The following FAM83E variants were observed in gnomAD, a reference collection of about 807,000 sequenced individuals.
FAM83E encodes the protein protein FAM83E.
FAM83E carries 29 observed loss-of-function variants against 34.3 expected under a neutral mutation model. The observed-to-expected ratio is 0.85, with a 90% CI of 0.63 to 1.15. The LOEUF (loss-of-function observed/expected upper bound fraction) is 1.15, where lower values mean the gene tolerates loss of function less well. Ranked by LOEUF, FAM83E falls within the 50% of genes most tolerant of loss-of-function variation. The pLI is 0.00. For synonymous variants in FAM83E, 312 were observed against 311.6 expected, an observed-to-expected ratio of 1.00 and a Z score of -0.01; for missense variants, 697 against 685.0, an observed-to-expected ratio of 1.02 and a Z score of -0.20.
At chr19:48,606,909 A>T in intron 5 of FAM83E, 1 of 1,547,116 alleles carries the variant, frequency 6.5e-7, no homozygotes, top group Non-Finnish European at 8.7e-7. Flanking sequence ...GAGGTCCTTC[A>T]TTCAGCGGTT....
chr19:48,604,450 C>A (rs1013261766), intron 5 of FAM83E, among the ~76,000 whole-genome samples: 2 of 151,036 alleles, frequency 1.3e-5, no homozygotes, highest in African/African-American at 4.9e-5. Flanking sequence ...CCTGCCTCAG[C>A]CTCCTGAGTA....
rs770550733 is a variant in FAM83E, at chr19:48,601,246, G to A, written c.1300C>T (p.Pro434Ser). ...AGATAGCGGAGGCGGTGGGCGGGGG[G>A]CAGGGGCAGGGCACCGCCCCACGGA... The part of the protein sequence containing the change: ...RPPWGGALPL[P>S]PAHRLRYLSP... Residue 434 changes from proline to serine, a missense_variant, in exon 7 of 7, where the codon CCC becomes TCC. Transcript: ENST00000263266. 22 of 1,603,902 alleles carry A rather than the reference G, an allele frequency of 1.4e-5. No individual in the cohort carries two copies. The highest frequency in any genetic ancestry group is 2.2e-5 in the East Asian group (1 of 44,488).
At chr19:48,607,372 C>T (rs1298561447) in intron 5 of FAM83E, 1 of 1,560,276 alleles carries the variant, frequency 6.4e-7, no homozygotes, top group Non-Finnish European at 8.7e-7. Flanking sequence ...GAGGACAGGG[C>T]CTGGGACTGT....
intron 5 of FAM83E, chr19:48,607,342 C>A: frequency 6.3e-7 from 1 of 1,589,094 alleles, no homozygotes; most frequent in Non-Finnish European, 8.6e-7. Context: ...GCTTCCTCCA[C>A]GTTTGCTGTG....
Position 48,613,725 on chromosome 19 carries a change from C to T in FAM83E, c.-353G>A. On this transcript the variant is annotated 5_prime_UTR_variant, in exon 3 of 7. Transcript: ENST00000263266. ...CTGACACCATCCCCAACTGTGTGAC[C>T]CATCAGCTGGCCATCTCTGCTCAGC... 1 of 985,400 alleles carries T rather than the reference C, an allele frequency of 1.0e-6. No individual in the cohort carries two copies. The highest frequency in any genetic ancestry group is 1.2e-6 in the Non-Finnish European group (1 of 829,926). 61.0% of individuals were successfully genotyped at this position (985,400 alleles called of 1,614,324 possible).
chr19:48,607,359 A>G, intron 5 of FAM83E: 1 of 1,576,320 alleles, frequency 6.3e-7, no homozygotes. Flanking sequence ...TGTGACCAAC[A>G]GGGAGGACAG....
At chr19:48,606,904 CCTTCAT>C (rs2147643319) in intron 5 of FAM83E, 1 of 1,534,278 alleles carries the variant, frequency 6.5e-7, no homozygotes, top group African/African-American at 1.4e-5. Context: ...CCTCAGAGGT[CCTTCAT>C]TCAGCGGTTC....
At chr19:48,606,955 C>A in intron 5 of FAM83E, 1 of 1,596,818 alleles carries the variant, frequency 6.3e-7, no homozygotes, top group Non-Finnish European at 8.5e-7. Flanking sequence ...CTGGCTGGGG[C>A]AGGGTCAACG....
chr19:48,613,827 A>T lies in FAM83E; in HGVS notation c.-455T>A. 1 of 985,386 alleles carries T rather than the reference A, an allele frequency of 1.0e-6. No homozygotes were observed. The highest frequency in any genetic ancestry group is 1.2e-6 in the Non-Finnish European group (1 of 829,914). 61.0% of individuals were successfully genotyped at this position (985,386 alleles called of 1,614,324 possible). The stretch of plus-strand genomic sequence containing the variant: ...AGCTGTCCTGAATTTGGTCAGGCTG[A>T]CCACTTGATCATTTCCAGGCGGCAA... On this transcript the variant is annotated 5_prime_UTR_variant, in exon 3 of 7. Coordinates refer to ENST00000263266, the MANE Select transcript of FAM83E (RefSeq NM_017708.4).
chr19:48,605,347 AG>A (rs1248538323), intron 5 of FAM83E, among the ~76,000 whole-genome samples: 11 of 152,058 alleles, frequency 7.2e-5, no homozygotes, highest in Non-Finnish European at 1.6e-4. Context: ...CCGAGGCAGG[AG>A]GATCACTTGA....
intron 6 of FAM83E, 81 bp downstream of exon 6, chr19:48,603,413 T>G: frequency 2.2e-6 from 3 of 1,343,142 alleles, no homozygotes; most frequent in Non-Finnish European, 2.9e-6. Flanking sequence ...GCAGGGCCCC[T>G]GGAGCCTGGC....
chr19:48,600,296 G>C lies in FAM83E; in HGVS notation c.*813C>G, dbSNP rs1183947971. On this transcript the variant is annotated 3_prime_UTR_variant, in exon 7 of 7. Transcript: ENST00000263266. ...GGGACGCTGCCAGCCCATCTTCTGGGTTGTGACACTGAGGTCTGGTGCAGG... is the reference window on the plus strand; with the variant it reads ...GGGACGCTGCCAGCCCATCTTCTGGCTTGTGACACTGAGGTCTGGTGCAGG... 6.6e-6 allele frequency among the ~76,000 whole-genome samples: 1 copy of C among 152,228 alleles called. No individual in the cohort carries two copies. Among genetic ancestry groups the C allele is most frequent in the Admixed American group, 6.5e-5 (1 of 15,286 alleles).
In FAM83E at chr19:48,600,133, C is replaced by T. The variant is rs1311214680; in HGVS notation, c.*976G>A. On this transcript the variant is annotated 3_prime_UTR_variant, in exon 7 of 7. Coordinates refer to ENST00000263266, the MANE Select transcript of FAM83E (RefSeq NM_017708.4). ...CCTCAGTTTCCCCACAGCTCCTGAA[C>T]ACAGTGTGCCTGGCAGCGACTCCCC... Among the ~76,000 whole-genome samples, 6 of 152,222 alleles carry T rather than the reference C, an allele frequency of 3.9e-5. No homozygotes were observed. The highest frequency in any genetic ancestry group is 6.5e-5 in the Admixed American group (1 of 15,278).
At chr19:48,612,448 A>G (rs1974058397) in intron 3 of FAM83E, among the ~76,000 whole-genome samples, 1 of 148,224 alleles carries the variant, frequency 6.7e-6, no homozygotes, top group South Asian at 2.1e-4. Flanking sequence ...TCTGTCGCCC[A>G]GGCTGAAGTG....
At chr19:48,612,145 G>A (rs576229972) in intron 3 of FAM83E, among the ~76,000 whole-genome samples, 63 of 152,294 alleles carry the variant, frequency 4.1e-4, no homozygotes, top group African/African-American at 1.4e-3. Flanking sequence ...ACAGGGTTCC[G>A]GGACGATGAT....
rs145560468 is a variant in FAM83E at position 48,613,613 on chromosome 19, C to T, written c.-241G>A. On this transcript the variant is annotated 5_prime_UTR_variant, in exon 3 of 7. Coordinates refer to ENST00000263266, the MANE Select transcript of FAM83E (RefSeq NM_017708.4). ...TCCAATGTGTCAGGCCACTCAGATCCGCCACCTGCCTGCACCCAGTGGCAC... is the reference window on the plus strand; with the variant it reads ...TCCAATGTGTCAGGCCACTCAGATCTGCCACCTGCCTGCACCCAGTGGCAC... 118 of 1,367,936 alleles carry T rather than the reference C, an allele frequency of 8.6e-5. No homozygotes were observed. In the African/African-American group the frequency reaches 1.4e-3, roughly 16 times the overall value. 84.7% of individuals were successfully genotyped at this position (1,367,936 alleles called of 1,614,324 possible). A position where few individuals can be genotyped will look rare whatever the true frequency, so the allele number is the denominator to read the frequency against.
chr19:48,602,938 G>A lies in FAM83E; in HGVS notation c.1176+556C>T, dbSNP rs980158728. On this transcript the variant is annotated intron_variant, in intron 6 of 6. Transcript: ENST00000263266. ...ACGATCTCAGCTCACTGCAACCGCC[G>A]CCTCCCTGGCTCAAACGATTCTCCT... Among the ~76,000 whole-genome samples, 6 of 148,940 alleles carry A rather than the reference G, an allele frequency of 4.0e-5. No individual in the cohort carries two copies. In the South Asian group the frequency reaches 6.4e-4, roughly 16 times the overall value.
chr19:48,610,384 G>A (rs1974018608), intron 4 of FAM83E, among the ~76,000 whole-genome samples: 1 of 100,926 alleles, frequency 9.9e-6, no homozygotes, highest in African/African-American at 4.1e-5. Flanking sequence ...GGGCGACAAA[G>A]CAACACTCCG....
Position 48,603,555 on chromosome 19 carries a change from C to A in FAM83E, c.1115G>T (p.Arg372Leu). ...TPSGPPARPS[R>L]SMWDLSRLSQ... is the part of the protein sequence containing the mutation. ...CAGGCGGCTTAGGTCCCACATGGAG[C>A]GGCTGGGCCGGGCCGGGGGGCCGCT... Residue 372 changes from arginine (R) to leucine (L), a missense_variant, in exon 6 of 7, where the codon CGC becomes CTC. By Grantham distance (102) the Arg-to-Leu change is moderately radical (BLOSUM62 -2). Transcript: ENST00000263266. The A allele has an allele frequency of 6.4e-7, 1 of 1,563,172 alleles. No homozygotes were observed. Among genetic ancestry groups the A allele is most frequent in the Non-Finnish European group, 8.6e-7 (1 of 1,162,910 alleles).
Sources: allele counts gnomAD v4.1 joint callset (sites outside exome capture counted in the v4.1 genomes callset), GRCh38; gene constraint gnomAD v4.1.1; transcripts MANE v1.5; gene names NCBI Gene and HGNC (gene_info 2026-07-23, HGNC 2026-07-21).